Variants in NHERF2 observed in about 807,000 individuals in gnomAD.
The protein encoded by NHERF2 is NHERF family PDZ scaffold protein 2, also known as Na(+)/H(+) exchange regulatory cofactor NHE-RF2.
the NHERF2 span, chr16:2,036,272 C>T: frequency 6.5e-7 from 1 of 1,530,040 alleles, no homozygotes; most frequent in Admixed American, 1.9e-5. Flanking sequence ...GGAGTGGCCT[C>T]TGGAGGCGGG....
the NHERF2 span, chr16:2,037,993 CT>C: frequency 2.5e-6 from 4 of 1,613,394 alleles, no homozygotes; most frequent in Admixed American, 5.0e-5. Flanking sequence ...GAGCCCCTTC[CT>C]GCCTGTCTCG....
chr16:2,038,525 A>C, the NHERF2 span: 1 of 363,672 alleles, frequency 2.7e-6, no homozygotes, highest in African/African-American at 2.3e-5. Context: ...GGCCGTCCTG[A>C]GTGGGAGTCC....
chr16:2,027,135 CCCGCCGAGG>C, the NHERF2 span: 1 of 1,473,594 alleles, frequency 6.8e-7, no homozygotes, highest in Non-Finnish European at 9.0e-7. Context: ...ACCCGGTTCC[CCCGCCGAGG>C]CCGCCGCGCT....
At chr16:2,035,112 T>C in the NHERF2 span, among the ~76,000 whole-genome samples, 1 of 151,484 alleles carries the variant, frequency 6.6e-6, no homozygotes, top group African/African-American at 2.4e-5. Context: ...GTTCAGAGGG[T>C]GGGCAGGAGG....
the NHERF2 span, chr16:2,036,845 C>T: frequency 4.8e-5 from 77 of 1,612,316 alleles, no homozygotes; most frequent in East Asian, 5.3e-4. Flanking sequence ...ACACTTCAAG[C>T]GGCTTCGGGT....
At chr16:2,037,026 CAG>C in the NHERF2 span, 11 of 1,548,794 alleles carry the variant, frequency 7.1e-6, no homozygotes, top group Admixed American at 3.9e-5. Context: ...CCATGAGACA[CAG>C]GGTGCCTCTG....
chr16:2,033,357 A>G, the NHERF2 span: 292,116 of 1,532,940 alleles, frequency 0.19, 30,400 homozygotes, highest in Non-Finnish European at 0.21. Context: ...CTGTCATGGC[A>G]CGCTCCGGGA....
chr16:2,029,758 C>T, the NHERF2 span: 1 of 1,553,660 alleles, frequency 6.4e-7, no homozygotes, highest in African/African-American at 1.4e-5. Flanking sequence ...ACACCGGCAG[C>T]CACAGCTCCG....
At chr16:2,035,433 G>T in the NHERF2 span, 1 of 985,724 alleles carries the variant, frequency 1.0e-6, no homozygotes, top group Non-Finnish European at 1.2e-6. Context: ...GACACACAGG[G>T]AGGTAGGAGG....
the NHERF2 span, chr16:2,029,848 A>G: frequency 7.1e-7 from 1 of 1,402,818 alleles, no homozygotes; most frequent in Non-Finnish European, 9.8e-7. Flanking sequence ...GCTTTTGACG[A>G]CGATCTTTGC....
At chr16:2,032,879 C>T in the NHERF2 span, 1 of 1,027,994 alleles carries the variant, frequency 9.7e-7, no homozygotes, top group Non-Finnish European at 1.2e-6. This position sits in a 1 kb window ranked among gnomAD's most constrained non-coding sequence, Gnocchi z 4.0. Flanking sequence ...TAGCCCATGT[C>T]TCCACCCCCA....
the NHERF2 span, chr16:2,036,891 G>A: frequency 5.4e-5 from 87 of 1,603,436 alleles, no homozygotes; most frequent in South Asian, 3.0e-4. Context: ...GGTGGGCCAC[G>A]GCCCAGGGCA....
chr16:2,031,411 G>T, the NHERF2 span, among the ~76,000 whole-genome samples: 1 of 152,180 alleles, frequency 6.6e-6, no homozygotes, highest in South Asian at 2.1e-4. Flanking sequence ...CTCCCCCTCT[G>T]CCTCAGGCGT....
the NHERF2 span, chr16:2,033,230 C>A: frequency 6.6e-7 from 1 of 1,506,834 alleles, no homozygotes; most frequent in Non-Finnish European, 8.8e-7. Flanking sequence ...ACGTCCCCAC[C>A]CATCCCCGGG....
chr16:2,033,233 T>A, the NHERF2 span: 2 of 1,508,422 alleles, frequency 1.3e-6, no homozygotes, highest in Admixed American at 4.0e-5. Context: ...TCCCCACCCA[T>A]CCCCGGGGAG....
the NHERF2 span, chr16:2,036,215 C>T: frequency 8.5e-7 from 1 of 1,169,790 alleles, no homozygotes; most frequent in Non-Finnish European, 1.2e-6. Context: ...CCTGGGCCTG[C>T]CCGTGGGGGG....
chr16:2,037,123 C>T, the NHERF2 span: 1 of 1,185,168 alleles, frequency 8.4e-7, no homozygotes, highest in South Asian at 1.4e-5. Flanking sequence ...TTAGCCCTGT[C>T]ACCTCCCTTT....
the NHERF2 span, among the ~76,000 whole-genome samples, chr16:2,034,766 C>G: frequency 6.9e-6 from 1 of 145,362 alleles, no homozygotes; most frequent in Non-Finnish European, 1.5e-5. Context: ...CCCAGGCCAG[C>G]CTGGGGGCTG....
chr16:2,034,175 T>G, the NHERF2 span, among the ~76,000 whole-genome samples: 1 of 152,134 alleles, frequency 6.6e-6, no homozygotes, highest in African/African-American at 2.4e-5. Context: ...GCTGGCCGCA[T>G]GTGTGGGCTG....
Sources: allele counts gnomAD v4.1 joint callset (sites outside exome capture counted in the v4.1 genomes callset), GRCh38; gene constraint gnomAD v4.1.1; non-coding constraint Gnocchi (gnomAD v3.1); transcripts MANE v1.5; gene names NCBI Gene and HGNC (gene_info 2026-07-23, HGNC 2026-07-21).